Variants in EYS observed in about 807,000 individuals in gnomAD.
EYS encodes EGF-like photoreceptor maintenance factor.
EYS carries 250 observed loss-of-function variants against 282.1 expected under a neutral mutation model. The observed-to-expected ratio is 0.89, with a 90% CI of 0.80 to 0.98. The LOEUF (loss-of-function observed/expected upper bound fraction) is 0.98. Among genes scored for constraint, EYS ranks in the 50% least tolerant of loss-of-function variants. The pLI, the probability that EYS is intolerant of heterozygous loss-of-function variation, is 0.00. For missense variants in EYS, 4,016 were observed against 3,709.0 expected (o/e 1.08, Z -2.15); for synonymous variants, 1,355 against 1,282.9 (o/e 1.06, Z -1.20).
intron 22 of EYS, among the ~76,000 whole-genome samples, chr6:64,779,158 T>C (rs955595603): frequency 6.6e-6 from 1 of 152,130 alleles, no homozygotes; most frequent in Non-Finnish European, 1.5e-5. Flanking sequence ...CCAAAGTAAA[T>C]TGAAAATTTG....
intron 15 of EYS, among the ~76,000 whole-genome samples, chr6:64,926,019 G>C (rs932494584): frequency 1.2e-4 from 19 of 152,168 alleles, no homozygotes; most frequent in African/African-American, 4.1e-4. Flanking sequence ...GTGGTAGTGG[G>C]ACCTGCTGTG....
chr6:63,885,075 C>T (rs1773229962), intron 35 of EYS, among the ~76,000 whole-genome samples: 1 of 152,102 alleles, frequency 6.6e-6, no homozygotes, highest in African/African-American at 2.4e-5. Context: ...AGTGCAGGTT[C>T]TAAATGGAAA....
intron 22 of EYS, among the ~76,000 whole-genome samples, chr6:64,741,159 A>G (rs368871828): frequency 6.6e-6 from 1 of 152,156 alleles, no homozygotes; most frequent in African/African-American, 2.4e-5. Context: ...TTGAAAGTCA[A>G]AATTACTCCT....
chr6:64,715,140 A>G (rs950681476), intron 22 of EYS, among the ~76,000 whole-genome samples: 1 of 152,034 alleles, frequency 6.6e-6, no homozygotes, highest in African/African-American at 2.4e-5. Context: ...TTTATCATGT[A>G]CTTTATTTCT....
intron 31 of EYS, among the ~76,000 whole-genome samples, chr6:64,216,861 CAG>C (rs1765944833): frequency 6.6e-6 from 1 of 152,108 alleles, no homozygotes; most frequent in South Asian, 2.1e-4. Context: ...CTCTCAAAGA[CAG>C]AGAAACTGAA....
At chr6:65,584,225 T>C (rs1460665482) in intron 2 of EYS, among the ~76,000 whole-genome samples, 1 of 152,088 alleles carries the variant, frequency 6.6e-6, no homozygotes, top group Non-Finnish European at 1.5e-5. Context: ...AACAGTTCTT[T>C]GCTGGATGAT....
At chr6:64,512,450 AATC>A (rs1338346766) in intron 26 of EYS, among the ~76,000 whole-genome samples, 5 of 152,014 alleles carry the variant, frequency 3.3e-5, no homozygotes, top group Non-Finnish European at 5.9e-5. Flanking sequence ...TGAAGACGGT[AATC>A]ATCAGAGAAA....
At chr6:65,492,373 A>G (rs551800295) in intron 4 of EYS, among the ~76,000 whole-genome samples, 2 of 151,430 alleles carry the variant, frequency 1.3e-5, no homozygotes, top group Non-Finnish European at 3.0e-5. Context: ...AGAGAAAGGA[A>G]GGAAGGAAGC....
intron 35 of EYS, among the ~76,000 whole-genome samples, chr6:63,978,665 A>G (rs191304756): frequency 2.0e-4 from 31 of 152,106 alleles, no homozygotes; most frequent in Middle Eastern, 6.8e-3. Flanking sequence ...ATGACAATGA[A>G]GACAAGCAAA....
At chr6:64,739,279 G>A (rs1285266117) in intron 22 of EYS, among the ~76,000 whole-genome samples, 2 of 152,134 alleles carry the variant, frequency 1.3e-5, no homozygotes, top group African/African-American at 4.8e-5. Flanking sequence ...TTAAAACCAT[G>A]CTGTGATGCC....
chr6:65,509,851 G>T (rs550001269), intron 2 of EYS, among the ~76,000 whole-genome samples: 6 of 152,100 alleles, frequency 3.9e-5, no homozygotes, highest in Non-Finnish European at 7.4e-5. Context: ...GCTGCAATGT[G>T]AAGTGACTTC....
In EYS at chr6:64,952,776, A is replaced by G. The variant is rs1478394588; in HGVS notation, c.2260-6862T>C. 2.0e-5 allele frequency among the ~76,000 whole-genome samples: 3 copies of G among 152,064 alleles called. No individual in the cohort carries two copies. The East Asian group carries it at 5.8e-4, about 29-fold the overall frequency. ...TGTACATATAAGCTGTATTCTGCTTAGTGCTTATTGTATTTAAAAATATCT... is the reference window on the plus strand; with the variant it reads ...TGTACATATAAGCTGTATTCTGCTTGGTGCTTATTGTATTTAAAAATATCT... On this transcript the variant is annotated intron_variant, in intron 14 of 42. Transcript: ENST00000503581.
Position 64,821,277 on chromosome 6 carries a change from C to G in EYS, c.3243+368G>C, listed in dbSNP as rs758021715. On this transcript the variant is annotated intron_variant, in intron 21 of 42. Transcript: ENST00000503581. The stretch of plus-strand genomic sequence containing the variant: ...TTAATTGAATCCTATGTCATCCCTA[C>G]AGATCCACAGATACCTCTGTCTCCT... Among the ~76,000 whole-genome samples, 3 of 152,030 alleles carry G rather than the reference C, an allele frequency of 2.0e-5. No homozygotes were observed. The East Asian group carries it at 5.8e-4, about 29-fold the overall frequency.
chr6:64,860,427 C>T (rs1197475642), intron 19 of EYS, among the ~76,000 whole-genome samples: 1 of 152,230 alleles, frequency 6.6e-6, no homozygotes, highest in South Asian at 2.1e-4. Flanking sequence ...GCCAGGCACA[C>T]TGGCTGTGGC....
intron 41 of EYS, among the ~76,000 whole-genome samples, chr6:63,756,861 C>T (rs750582423): frequency 1.1e-4 from 17 of 152,086 alleles, no homozygotes; most frequent in Non-Finnish European, 1.6e-4. Context: ...AAAATTAATA[C>T]TTTTATAATT....
Position 65,700,675 on chromosome 6 carries a change from T to C in EYS, c.-448+6460A>G, listed in dbSNP as rs570548129. Among the ~76,000 whole-genome samples, 3 of 152,282 alleles carry C rather than the reference T, an allele frequency of 2.0e-5. No individual in the cohort carries two copies. The South Asian group carries it at 6.2e-4, about 32-fold the overall frequency. On this transcript the variant is annotated intron_variant, in intron 1 of 42. Transcript: ENST00000503581. ...CCGTGTCAGAAATTGGAATGCACCT[T>C]ATATTTCTTCTTACTGTTAACATAT...
chr6:64,081,170 A>G (rs1439766353), intron 32 of EYS, among the ~76,000 whole-genome samples: 3 of 152,174 alleles, frequency 2.0e-5, no homozygotes, highest in Non-Finnish European at 1.5e-5. Context: ...GGTACTAAAG[A>G]CATTACACCT....
intron 5 of EYS, among the ~76,000 whole-genome samples, chr6:65,463,045 G>A (rs1015034533): frequency 2.0e-5 from 3 of 151,902 alleles, no homozygotes; most frequent in African/African-American, 4.8e-5. Flanking sequence ...CATCTCTGCC[G>A]TATTTCCCTC....
At chr6:65,431,590 G>C (rs1164834758) in intron 5 of EYS, among the ~76,000 whole-genome samples, 3 of 151,696 alleles carry the variant, frequency 2.0e-5, no homozygotes, top group African/African-American at 7.3e-5. Flanking sequence ...ATAAATATTT[G>C]TTCATTATAT....
Sources: allele counts gnomAD v4.1 joint callset (sites outside exome capture counted in the v4.1 genomes callset), GRCh38; gene constraint gnomAD v4.1.1; transcripts MANE v1.5; gene names NCBI Gene and HGNC (gene_info 2026-07-23, HGNC 2026-07-21).